Variants in CPNE4 observed in about 807,000 individuals in gnomAD.
The protein encoded by CPNE4 is copine 4.
CPNE4 carries 25 observed loss-of-function variants against 67.9 expected under a neutral mutation model. The ratio of observed to expected loss-of-function variants is 0.37; its 90% CI spans 0.27 to 0.51. The LOEUF (loss-of-function observed/expected upper bound fraction) is 0.51. Ranked by LOEUF, CPNE4 falls within the 20% of genes least tolerant of loss-of-function variation. The pLI, the probability that CPNE4 is intolerant of heterozygous loss-of-function variation, is 0.93. For missense variants in CPNE4, 464 were observed against 690.8 expected (o/e 0.67, Z 3.68); for synonymous variants, 242 against 244.9 (o/e 0.99, Z 0.11).
intron 7 of CPNE4, among the ~76,000 whole-genome samples, chr3:131,599,881 G>A (rs1301052539): frequency 6.6e-6 from 1 of 152,162 alleles, no homozygotes; most frequent in Non-Finnish European, 1.5e-5. Flanking sequence ...TTCTAGGGAG[G>A]TGGCTATAAA....
chr3:131,830,268 A>T (rs1390176697), intron 2 of CPNE4, among the ~76,000 whole-genome samples: 2 of 151,942 alleles, frequency 1.3e-5, no homozygotes, highest in Non-Finnish European at 1.5e-5. Flanking sequence ...ACTTTTCTCC[A>T]CCTCCACCTT....
At chr3:131,541,292 A>G (rs760710215) in intron 15 of CPNE4, among the ~76,000 whole-genome samples, 23 of 152,326 alleles carry the variant, frequency 1.5e-4, no homozygotes, top group Non-Finnish European at 2.6e-4. Flanking sequence ...ACAGCTCAGT[A>G]GGTGCAGGGA....
chr3:131,650,428 T>C (rs2079779197), intron 7 of CPNE4, among the ~76,000 whole-genome samples: 1 of 152,180 alleles, frequency 6.6e-6, no homozygotes, highest in African/African-American at 2.4e-5. Flanking sequence ...ATAAGCACTT[T>C]CATCTGTATT....
chr3:131,817,338 A>G (rs1307113183), intron 2 of CPNE4, among the ~76,000 whole-genome samples: 1 of 152,154 alleles, frequency 6.6e-6, no homozygotes, highest in Non-Finnish European at 1.5e-5. Context: ...AGGGGTTGGG[A>G]GCAGGGAGAG....
At chr3:131,652,167 A>G (rs1031623880) in intron 7 of CPNE4, among the ~76,000 whole-genome samples, 4 of 152,224 alleles carry the variant, frequency 2.6e-5, no homozygotes, top group African/African-American at 9.6e-5. Flanking sequence ...TGTGTAGTGT[A>G]GGTTGTCTTT....
chr3:132,021,311 G>A (rs1180778451), intron 1 of CPNE4, among the ~76,000 whole-genome samples: 1 of 152,208 alleles, frequency 6.6e-6, no homozygotes, highest in Non-Finnish European at 1.5e-5. Context: ...CTGTGTGCAA[G>A]ATCCTCACAA....
chr3:131,836,802 A>G (rs1011373741), intron 2 of CPNE4, among the ~76,000 whole-genome samples: 3 of 152,174 alleles, frequency 2.0e-5, no homozygotes, highest in Non-Finnish European at 4.4e-5. Flanking sequence ...CAGATTGGGA[A>G]AAAATATTTG....
In CPNE4 at chr3:131,905,248, C is replaced by T. The variant is rs2088698704; in HGVS notation, c.180+16G>A. The T allele has an allele frequency of 6.3e-7, 1 of 1,599,022 alleles. No homozygotes were observed. The highest frequency in any genetic ancestry group is 8.5e-7 in the Non-Finnish European group (1 of 1,169,662). On this transcript the variant is annotated intron_variant, in intron 2 of 15. Transcript: ENST00000429747. Reference sequence around the variant, plus strand: ...CATCCAGCCATGGTTCTGTCCATTTCATTGGACATGCCTACCTCAAACCAC... The same window carrying T: ...CATCCAGCCATGGTTCTGTCCATTTTATTGGACATGCCTACCTCAAACCAC...
At chr3:131,889,206 A>C (rs1244964148) in intron 2 of CPNE4, among the ~76,000 whole-genome samples, 1 of 152,210 alleles carries the variant, frequency 6.6e-6, no homozygotes, top group African/African-American at 2.4e-5. Flanking sequence ...ACTAATGATC[A>C]AATGCAGGCA....
Position 131,686,175 on chromosome 3 carries a change from C to T in CPNE4, c.508-217G>A, listed in dbSNP as rs79381981. Among the ~76,000 whole-genome samples, 1,160 of 152,258 alleles carry T rather than the reference C, an allele frequency of 7.6e-3. 20 individuals carry two copies. The highest frequency in any genetic ancestry group is 0.026 in the African/African-American group (1,098 of 41,540). On this transcript the variant is annotated intron_variant, in intron 5 of 15. Transcript: ENST00000429747. Reference sequence around the variant, plus strand: ...CCCCACCCTTTCTTCCTTTGATCCTCATCCCTGAGATCCACCCTTGGCTAG... The same window carrying T: ...CCCCACCCTTTCTTCCTTTGATCCTTATCCCTGAGATCCACCCTTGGCTAG...
chr3:131,983,376 T>C (rs1473570297), intron 1 of CPNE4, among the ~76,000 whole-genome samples: 2 of 152,188 alleles, frequency 1.3e-5, no homozygotes, highest in Non-Finnish European at 1.5e-5. Flanking sequence ...GCCACATGCA[T>C]CTTTAAAATA....
Position 131,900,509 on chromosome 3 carries a change from A to G in CPNE4, c.180+4755T>C, listed in dbSNP as rs549180075. Among the ~76,000 whole-genome samples, 128 of 152,034 alleles carry G rather than the reference A, an allele frequency of 8.4e-4. 1 individual carries two copies. The highest frequency in any genetic ancestry group is 1.6e-3 in the Non-Finnish European group (109 of 67,974). ...CCTACCACACATTCAGGGAAAGAAA[A>G]AGATTTAAGTCAAGATTTCATGTAG... On this transcript the variant is annotated intron_variant, in intron 2 of 15. Coordinates refer to ENST00000429747, the MANE Select transcript of CPNE4 (RefSeq NM_130808.3).
At chr3:131,555,596 T>A in intron 11 of CPNE4, 45 bp from the exon 12 acceptor site, 2 of 1,535,926 alleles carry the variant, frequency 1.3e-6, no homozygotes, top group Non-Finnish European at 1.8e-6. Flanking sequence ...GTTGCTTCAT[T>A]TATTCATTTA....
intron 7 of CPNE4, among the ~76,000 whole-genome samples, chr3:131,588,662 C>T (rs960985867): frequency 6.6e-6 from 1 of 152,058 alleles, no homozygotes; most frequent in African/African-American, 2.4e-5. Flanking sequence ...ACATTGTTTC[C>T]CCCTAAATTT....
rs560481022 is a variant in CPNE4 at position 131,883,884 on chromosome 3, G to A, written c.180+21380C>T. ...TAGGCTAAGCACATGCCCGTGTCATGGCCTTTGCCCTTTATTCTGTTGGAA... is the reference window on the plus strand; with the variant it reads ...TAGGCTAAGCACATGCCCGTGTCATAGCCTTTGCCCTTTATTCTGTTGGAA... On this transcript the variant is annotated intron_variant, in intron 2 of 15. Coordinates refer to ENST00000429747, the MANE Select transcript of CPNE4 (RefSeq NM_130808.3). 7.2e-5 allele frequency among the ~76,000 whole-genome samples: 11 copies of A among 152,348 alleles called. No homozygotes were observed. In the South Asian group the frequency reaches 2.3e-3, roughly 32 times the overall value.
chr3:131,888,486 T>C (rs964069173), intron 2 of CPNE4, among the ~76,000 whole-genome samples: 2 of 152,024 alleles, frequency 1.3e-5, no homozygotes, highest in African/African-American at 4.8e-5. Context: ...CTATCCAAGA[T>C]AGGGAGTTGA....
chr3:132,032,361 G>C (rs1440044229), intron 1 of CPNE4, among the ~76,000 whole-genome samples: 1 of 152,174 alleles, frequency 6.6e-6, no homozygotes, highest in Non-Finnish European at 1.5e-5. Flanking sequence ...GTTTTTACTT[G>C]TTAACACATA....
intron 2 of CPNE4, among the ~76,000 whole-genome samples, chr3:131,847,904 A>G (rs2086065641): frequency 6.6e-6 from 1 of 152,116 alleles, no homozygotes; most frequent in Non-Finnish European, 1.5e-5. Flanking sequence ...GGATTTAGGT[A>G]GTAGGTCTCT....
At chr3:131,835,168 T>A (rs977076655) in intron 2 of CPNE4, among the ~76,000 whole-genome samples, 1 of 152,158 alleles carries the variant, frequency 6.6e-6, no homozygotes, top group African/African-American at 2.4e-5. Flanking sequence ...TATATTTTTG[T>A]CTCATCTATA....
Sources: gnomAD v4.1 joint callset for allele counts (sites outside exome capture counted in the v4.1 genomes callset) on GRCh38, gnomAD v4.1.1 for gene constraint, MANE v1.5 for transcripts, NCBI Gene and HGNC (gene_info 2026-07-23, HGNC 2026-07-21) for gene names.